FBXO25: variants seen among roughly 807,000 people sequenced by gnomAD.
FBXO25 encodes the protein F-box only protein 25.
FBXO25 carries 45 observed loss-of-function variants against 51.9 expected under a neutral mutation model. That is an observed-to-expected ratio of 0.87 (90% CI 0.68 to 1.11). The LOEUF (loss-of-function observed/expected upper bound fraction) is 1.11, where lower values mean the gene tolerates loss of function less well. Ranked by LOEUF, FBXO25 falls within the 50% of genes most tolerant of loss-of-function variation. The pLI, the probability that FBXO25 is intolerant of heterozygous loss-of-function variation, is 0.00. For synonymous variants in FBXO25, 199 were observed against 151.0 expected (o/e 1.32, Z -2.33); for missense variants, 507 against 428.5 (o/e 1.18, Z -1.62).
chr8:468,251 C>G (rs535631021), intron 9 of FBXO25: 1 of 1,012,896 alleles, frequency 9.9e-7, no homozygotes, highest in Admixed American at 5.5e-5. Context: ...TCCCCCTCTC[C>G]TGTCCTATGC....
intron 2 of FBXO25, among the ~76,000 whole-genome samples, chr8:429,144 C>G (rs969156976): frequency 5.3e-5 from 8 of 152,154 alleles, no homozygotes; most frequent in Admixed American, 6.5e-5. Flanking sequence ...CTATACCATC[C>G]TCCATTCCCA....
intron 9 of FBXO25, among the ~76,000 whole-genome samples, 193 bp from the exon 10 acceptor site, chr8:468,522 C>A (rs1800338199): frequency 1.3e-5 from 2 of 152,078 alleles, no homozygotes; most frequent in South Asian, 4.1e-4. Flanking sequence ...GCAGGAGTTC[C>A]ATGGGAAACC....
At chr8:460,792 T>G (rs567629388) in intron 8 of FBXO25, among the ~76,000 whole-genome samples, 2 of 152,348 alleles carry the variant, frequency 1.3e-5, no homozygotes, top group African/African-American at 4.8e-5. Flanking sequence ...GACAGAGAAA[T>G]TAATATTAAA....
At chr8:456,133 C>T (rs1234103543) in intron 7 of FBXO25, among the ~76,000 whole-genome samples, 3 of 152,334 alleles carry the variant, frequency 2.0e-5, no homozygotes, top group African/African-American at 7.2e-5. Context: ...GAATGAAGCA[C>T]CTGGAAGACA....
chr8:471,399 T>C lies in FBXO25; in HGVS notation c.*2595T>C, dbSNP rs772959036. The C allele has an allele frequency of 6.6e-6, 1 of 152,178 alleles. No individual in the cohort carries two copies. Among genetic ancestry groups the C allele is most frequent in the Non-Finnish European group, 1.5e-5 (1 of 68,020 alleles). The allele number at this position is 152,178 out of a possible 1,614,324, so 9.4% of individuals were successfully genotyped here. A position where few individuals can be genotyped will look rare whatever the true frequency, so the allele number is the denominator to read the frequency against. ...AGAAGAGAAATCATAGATCTCCACT[T>C]TGGAATGGTATTTTTGAATACAGTT... On this transcript the variant is annotated 3_prime_UTR_variant, in exon 10 of 10. Coordinates refer to ENST00000350302, the MANE Select transcript of FBXO25 (RefSeq NM_183420.2).
chr8:441,510 G>A (rs1798423895), intron 5 of FBXO25, among the ~76,000 whole-genome samples: 1 of 152,176 alleles, frequency 6.6e-6, no homozygotes. Flanking sequence ...AGCCAAAATT[G>A]ACAAATGGGA....
chr8:476,922 T>C lies in FBXO25; in HGVS notation c.*8118T>C, dbSNP rs1800663184. 6.6e-6 allele frequency: 1 copy of C among 152,180 alleles called. No homozygotes were observed. The highest frequency in any genetic ancestry group is 6.5e-5 in the Admixed American group (1 of 15,274). 9.4% of individuals were successfully genotyped at this position (152,180 alleles called of 1,614,324 possible). A position where few individuals can be genotyped will look rare whatever the true frequency, so the allele number is the denominator to read the frequency against. On this transcript the variant is annotated 3_prime_UTR_variant, in exon 10 of 10. Transcript: ENST00000350302. ...TGACTTGAGATCTTAATTTGTTTAATAGGTGTATTTACAGTTACAAATTTC... is the reference window on the plus strand; with the variant it reads ...TGACTTGAGATCTTAATTTGTTTAACAGGTGTATTTACAGTTACAAATTTC...
intron 7 of FBXO25, among the ~76,000 whole-genome samples, chr8:455,582 T>A (rs1450254838): frequency 6.6e-6 from 1 of 152,192 alleles, no homozygotes; most frequent in Non-Finnish European, 1.5e-5. Flanking sequence ...TATCTCTGTT[T>A]TTTTTCTGTG....
chr8:436,012 CTG>C (rs1798084365), intron 5 of FBXO25, among the ~76,000 whole-genome samples: 1 of 152,236 alleles, frequency 6.6e-6, no homozygotes, highest in South Asian at 2.1e-4. Flanking sequence ...TACCTACATA[CTG>C]TGTCAGTGAT....
intron 5 of FBXO25, among the ~76,000 whole-genome samples, chr8:439,895 C>G (rs1031713062): frequency 4.5e-4 from 69 of 152,306 alleles, no homozygotes; most frequent in African/African-American, 1.6e-3. Flanking sequence ...TAGGGAGACC[C>G]TGTTTTTACA....
In FBXO25 at chr8:468,387, T is replaced by C. The variant is rs75331110; in HGVS notation, c.988-328T>C. 3.8e-3 allele frequency: 2,306 copies of C among 600,546 alleles called. 44 individuals are homozygous for C. The African/African-American group carries it at 0.042, about 11-fold the overall frequency. The allele number at this position is 600,546 out of a possible 1,614,324, so 37.2% of individuals were successfully genotyped here. ...CCAGAGGACAGAAAGTCCCCAGTGG[T>C]TTCTTCTGTGGCCTTGTAGATTCCG... On this transcript the variant is annotated intron_variant, in intron 9 of 9. Coordinates refer to ENST00000350302, the MANE Select transcript of FBXO25 (RefSeq NM_183420.2).
intron 7 of FBXO25, among the ~76,000 whole-genome samples, chr8:452,150 C>T (rs1288108529): frequency 6.6e-6 from 1 of 152,198 alleles, no homozygotes; most frequent in Non-Finnish European, 1.5e-5. Context: ...CCAGTTTTCA[C>T]ATAAAGGAAT....
chr8:409,332 C>A (rs1796353623), intron 1 of FBXO25, among the ~76,000 whole-genome samples: 2 of 152,168 alleles, frequency 1.3e-5, no homozygotes, highest in African/African-American at 4.8e-5. Flanking sequence ...CAAATCTTTT[C>A]CTCTGTGTTG....
At chr8:461,610 C>T (rs771221748) in intron 8 of FBXO25, among the ~76,000 whole-genome samples, 21 of 152,168 alleles carry the variant, frequency 1.4e-4, no homozygotes, top group Non-Finnish European at 2.5e-4. Context: ...GCGGGGGACA[C>T]AGCTAAAACA....
At chr8:450,583 T>C (rs1799018915) in intron 6 of FBXO25, 1 of 152,412 alleles carries the variant, frequency 6.6e-6, no homozygotes, top group African/African-American at 2.4e-5. Flanking sequence ...AGCCTCTTTA[T>C]GATAAGTACA....
rs1797888837 is a variant in FBXO25 at position 432,749 on chromosome 8, A to T, written c.239-137A>T. 3.6e-6 allele frequency: 4 copies of T among 1,110,892 alleles called. No individual in the cohort carries two copies. In the South Asian group the frequency reaches 5.6e-5, roughly 16 times the overall value. The allele number at this position is 1,110,892 out of a possible 1,614,324, so 68.8% of individuals were successfully genotyped here. On this transcript the variant is annotated intron_variant, in intron 3 of 9. Coordinates refer to ENST00000350302, the MANE Select transcript of FBXO25 (RefSeq NM_183420.2). Reference sequence around the variant, plus strand: ...AAACAAAGCAATTCTGTTTGCATTCACCCACGTAAAAGCATTTCTTGTCAA... The same window carrying T: ...AAACAAAGCAATTCTGTTTGCATTCTCCCACGTAAAAGCATTTCTTGTCAA...
At chr8:467,874 G>A (rs1463567888) in intron 9 of FBXO25, 3 of 1,574,034 alleles carry the variant, frequency 1.9e-6, no homozygotes, top group Non-Finnish European at 2.6e-6. Flanking sequence ...GCTTTCTCAG[G>A]ACCCTGAGCA....
At position 470,337 on chromosome 8, in the gene FBXO25, T is replaced by C. The variant is rs761458318; in HGVS notation, c.*1533T>C. The C allele has an allele frequency of 2.0e-5, 3 of 152,080 alleles. No individual in the cohort carries two copies. Among genetic ancestry groups the C allele is most frequent in the Non-Finnish European group, 4.4e-5 (3 of 68,042 alleles). The allele number at this position is 152,080 out of a possible 1,614,324, so 9.4% of individuals were successfully genotyped here. ...TAAGGCTTTTAAATATATTTCTAGATTGTTCATGAAAAAAAATTTTTTTGG... is the reference window on the plus strand; with the variant it reads ...TAAGGCTTTTAAATATATTTCTAGACTGTTCATGAAAAAAAATTTTTTTGG... On this transcript the variant is annotated 3_prime_UTR_variant, in exon 10 of 10. Transcript: ENST00000350302.
At chr8:438,059 C>G (rs535818583) in intron 5 of FBXO25, among the ~76,000 whole-genome samples, 9 of 142,738 alleles carry the variant, frequency 6.3e-5, no homozygotes, top group Non-Finnish European at 1.4e-4. Flanking sequence ...TAATGTGTAT[C>G]TTTTTTTTTT....
Sources: allele counts gnomAD v4.1 joint callset (sites outside exome capture counted in the v4.1 genomes callset), GRCh38; gene constraint gnomAD v4.1.1; transcripts MANE v1.5; gene names NCBI Gene and HGNC (gene_info 2026-07-23, HGNC 2026-07-21).